Variants in MIA3 observed in about 807,000 individuals in gnomAD.
MIA3 encodes MIA SH3 domain ER export factor 3, also known as transport and Golgi organization protein 1 homolog.
MIA3 carries 90 observed loss-of-function variants against 192.4 expected under a neutral mutation model. The ratio of observed to expected loss-of-function variants is 0.47; its 90% CI spans 0.39 to 0.56. The LOEUF (loss-of-function observed/expected upper bound fraction) is 0.56. Ranked by LOEUF, MIA3 falls within the 20% of genes least tolerant of loss-of-function variation. MIA3 has a pLI of 0.00. For missense variants in MIA3, 2,123 were observed against 2,269.4 expected (o/e 0.94, Z 1.31); for synonymous variants, 740 against 792.8 (o/e 0.93, Z 1.12).
In MIA3 at chr1:222,658,764, C is replaced by T. The variant is rs764807369; in HGVS notation, c.4650C>T (p.His1550=). 3 of 1,612,814 alleles carry T rather than the reference C, an allele frequency of 1.9e-6. No individual in the cohort carries two copies. Among genetic ancestry groups the T allele is most frequent in the South Asian group, 1.1e-5 (1 of 90,934 alleles). Residue 1550 remains histidine (H), a synonymous_variant, in exon 19 of 28, where the codon CAC becomes CAT. Transcript: ENST00000344922. ...QEEYERQERE[H]RLSAADEKAV... is the part of the protein sequence containing the mutation. Reference sequence around the variant, plus strand: ...AGTATGAACGGCAAGAAAGAGAGCACAGGCTGTCAGCTGCAGATGAAAAGG... The same window carrying T: ...AGTATGAACGGCAAGAAAGAGAGCATAGGCTGTCAGCTGCAGATGAAAAGG...
intron 6 of MIA3, among the ~76,000 whole-genome samples, chr1:222,634,770 C>T (rs536539642): frequency 1.3e-5 from 2 of 152,118 alleles, no homozygotes; most frequent in Non-Finnish European, 2.9e-5. Context: ...TAGGAAAGAG[C>T]GTTCTTGTTG....
At chr1:222,631,021 T>A (rs1662374780) in intron 4 of MIA3, among the ~76,000 whole-genome samples, 2 of 152,172 alleles carry the variant, frequency 1.3e-5, no homozygotes, top group South Asian at 4.1e-4. Context: ...CCTAGTTCCT[T>A]GTTCTATTCT....
chr1:222,621,054 G>A (rs1278313335), intron 1 of MIA3, 105 bp from the exon 2 acceptor site: 1 of 960,500 alleles, frequency 1.0e-6, no homozygotes, highest in African/African-American at 1.6e-5. Context: ...GAAAAACTTG[G>A]TTGTTGTTTA....
intron 6 of MIA3, chr1:222,644,337 A>G: frequency 1.4e-6 from 2 of 1,472,612 alleles, no homozygotes; most frequent in Non-Finnish European, 9.0e-7. Flanking sequence ...GCGAAAGTGC[A>G]GGCAGCTGTG....
At chr1:222,635,143 C>T (rs1337727668) in intron 6 of MIA3, among the ~76,000 whole-genome samples, 8 of 152,170 alleles carry the variant, frequency 5.3e-5, no homozygotes, top group Non-Finnish European at 8.8e-5. Flanking sequence ...TGGTGATAGC[C>T]ACCTGGGTGA....
rs1664275653 is a variant in MIA3, at chr1:222,666,184, C to T, written c.*565C>T. On this transcript the variant is annotated 3_prime_UTR_variant, in exon 28 of 28. Transcript: ENST00000344922. ...GTTGACTCATTGGACTGTTATGAGG[C>T]TTGTGCCATTTGGGGAACATGTAAA... is the stretch of plus-strand genomic sequence containing the variant. 6.6e-6 allele frequency: 1 copy of T among 152,188 alleles called. No homozygotes were observed. Among genetic ancestry groups the T allele is most frequent in the Admixed American group, 6.5e-5 (1 of 15,270 alleles). 9.4% of individuals were successfully genotyped at this position (152,188 alleles called of 1,614,324 possible). A position where few individuals can be genotyped will look rare whatever the true frequency, so the allele number is the denominator to read the frequency against.
At chr1:222,622,221 A>C (rs919821323) in intron 2 of MIA3, among the ~76,000 whole-genome samples, 1 of 152,146 alleles carries the variant, frequency 6.6e-6, no homozygotes. Flanking sequence ...GTACCCTGCT[A>C]TCAGACCTGG....
Position 222,630,197 on chromosome 1 carries a change from A to G in MIA3, c.2977A>G (p.Met993Val). 1 of 1,614,242 alleles carries G rather than the reference A, an allele frequency of 6.2e-7. No homozygotes were observed. Among genetic ancestry groups the G allele is most frequent in the Non-Finnish European group, 8.5e-7 (1 of 1,180,052 alleles). ...ESQILSIAEK[M>V]LDTRVAENRD... ...ACAAATTCTGAGCATAGCAGAAAAA[A>G]TGCTTGATACTCGTGTGGCTGAAAA... The change falls in exon 4 of 28, where the codon ATG (methionine) becomes GTG (valine). Residue 993 changes from methionine (M) to valine (V), a missense_variant. Around this residue, in one of 3 missense-constraint regions of MIA3, gnomAD observed 1,357 missense variants for 1,396.1 expected, o/e 0.97. Transcript: ENST00000344922.
At chr1:222,624,386 G>A (rs1662014753) in intron 2 of MIA3, among the ~76,000 whole-genome samples, 2 of 152,234 alleles carry the variant, frequency 1.3e-5, no homozygotes, top group East Asian at 1.9e-4. Context: ...ATAATAGTTC[G>A]TAGCCACCTC....
intron 23 of MIA3, 40 bp from the exon 24 acceptor site, chr1:222,660,137 A>AGGCT: frequency 6.3e-7 from 1 of 1,599,694 alleles, no homozygotes; most frequent in Non-Finnish European, 8.5e-7. Flanking sequence ...AAAGAAAAAA[A>AGGCT]GGCTGTCTTA....
rs769606492 is a variant in MIA3, at chr1:222,628,267, A to C, written c.1047A>C (p.Lys349Asn). Reference protein sequence around the residue: ...MKTPAKSGVEKYPTDKEQNSN... With the variant: ...MKTPAKSGVENYPTDKEQNSN... ...CTCCAGCAAAGTCTGGCGTTGAGAAATATCCAACAGATAAAGAGCAGAATT... is the reference window on the plus strand; with the variant it reads ...CTCCAGCAAAGTCTGGCGTTGAGAACTATCCAACAGATAAAGAGCAGAATT... The change falls in exon 4 of 28, where the codon AAA becomes AAC. Residue 349 changes from lysine to asparagine, a missense_variant. Lys to Asn is a moderately conservative substitution (Grantham distance 94). Transcript: ENST00000344922. 5.3e-5 allele frequency: 86 copies of C among 1,614,016 alleles called. No individual in the cohort carries two copies. Among genetic ancestry groups the C allele is most frequent in the Non-Finnish European group, 7.0e-5 (83 of 1,180,038 alleles).
intron 1 of MIA3, 72 bp from the exon 2 acceptor site, chr1:222,621,087 G>A: frequency 2.3e-6 from 3 of 1,294,392 alleles, no homozygotes; most frequent in Non-Finnish European, 3.2e-6. Context: ...TATATTTCCT[G>A]ATAAATCAAT....
At chr1:222,644,477 T>C in intron 6 of MIA3, 1 of 1,550,530 alleles carries the variant, frequency 6.4e-7, no homozygotes, top group Non-Finnish European at 8.7e-7. Context: ...TTCTACACAA[T>C]GGACTCAGTA....
Position 222,628,192 on chromosome 1 carries a change from C to A in MIA3, c.972C>A (p.Asp324Glu), listed in dbSNP as rs570785142. The change falls in exon 4 of 28, where the codon GAC (aspartate) becomes GAA (glutamate). Residue 324 changes from aspartate (D) to glutamate (E), a missense_variant. Coordinates refer to ENST00000344922, the MANE Select transcript of MIA3 (RefSeq NM_198551.4). ...VGKEDEENQE[D>E]FDELPLLTFT... ...AGGAAGATGAGGAGAACCAAGAAGA[C>A]TTTGATGAGTTGCCATTACTTACCT... is the stretch of plus-strand genomic sequence containing the variant. 33 of 1,614,068 alleles carry A rather than the reference C, an allele frequency of 2.0e-5. No individual in the cohort carries two copies. In the South Asian group the frequency reaches 3.2e-4, roughly 16 times the overall value.
chr1:222,654,880 G>T, intron 18 of MIA3, 87 bp downstream of exon 18: 1 of 1,177,238 alleles, frequency 8.5e-7, no homozygotes, highest in Non-Finnish European at 1.2e-6. Flanking sequence ...CGTTTTTCAG[G>T]ATTGTACTCT....
chr1:222,656,486 T>C (rs571777728), intron 18 of MIA3, among the ~76,000 whole-genome samples: 288 of 152,274 alleles, frequency 1.9e-3, no homozygotes, highest in Middle Eastern at 0.01. Flanking sequence ...TTTTCAAATG[T>C]TTTATGCCTG....
At chr1:222,648,424 T>C (rs182712514) in intron 7 of MIA3, among the ~76,000 whole-genome samples, 2 of 152,334 alleles carry the variant, frequency 1.3e-5, no homozygotes, top group Non-Finnish European at 1.5e-5. Context: ...GAGTAGTCGT[T>C]GTTTTTAGAT....
chr1:222,638,076 G>C (rs1398198835), intron 6 of MIA3, among the ~76,000 whole-genome samples: 1 of 152,150 alleles, frequency 6.6e-6, no homozygotes, highest in South Asian at 2.1e-4. Context: ...TAAGGATCTA[G>C]AAGTTATGAA....
At chr1:222,644,243 C>T in intron 6 of MIA3, 1 of 1,330,334 alleles carries the variant, frequency 7.5e-7, no homozygotes, top group South Asian at 1.5e-5. Context: ...TCCGCTCTGG[C>T]CCCGCCCTCG....
Sources: allele counts gnomAD v4.1 joint callset (sites outside exome capture counted in the v4.1 genomes callset), GRCh38; gene constraint gnomAD v4.1.1; regional missense constraint gnomAD v4.1.1; transcripts MANE v1.5; gene names NCBI Gene and HGNC (gene_info 2026-07-23, HGNC 2026-07-21).